The following GAS2L3 variants were observed in gnomAD, a reference collection of about 807,000 sequenced individuals.
The protein encoded by GAS2L3 is growth arrest specific 2 like 3.
In GAS2L3, 28 loss-of-function variants were observed where a neutral mutation model predicts 37.0. The observed-to-expected ratio is 0.76, with a 90% CI of 0.56 to 1.04. The LOEUF is 1.04. Among genes scored for constraint, GAS2L3 ranks in the 50% least tolerant of loss-of-function variants. The pLI is 0.00. For missense variants in GAS2L3, 793 were observed against 817.6 expected, an observed-to-expected ratio of 0.97 and a Z score of 0.37; for synonymous variants, 290 against 296.6, an observed-to-expected ratio of 0.98 and a Z score of 0.23.
intron 1 of GAS2L3, among the ~76,000 whole-genome samples, chr12:100,591,284 C>A (rs1026947466): frequency 6.6e-6 from 1 of 151,876 alleles, no homozygotes; most frequent in African/African-American, 2.4e-5. Flanking sequence ...AAGATCACAG[C>A]GCAAACAGTT....
chr12:100,590,789 G>A (rs1955837048), intron 1 of GAS2L3, among the ~76,000 whole-genome samples: 1 of 152,298 alleles, frequency 6.6e-6, no homozygotes, highest in Admixed American at 6.5e-5. Context: ...CAGTGACCTG[G>A]ATGAGATTGA....
chr12:100,623,327 T>G (rs952831679), intron 9 of GAS2L3, among the ~76,000 whole-genome samples: 4 of 152,190 alleles, frequency 2.6e-5, no homozygotes, highest in African/African-American at 9.6e-5. Flanking sequence ...GCAAGTTATA[T>G]GTAAATACCT....
intron 1 of GAS2L3, among the ~76,000 whole-genome samples, chr12:100,584,283 G>A (rs913063108): frequency 2.6e-5 from 4 of 152,170 alleles, no homozygotes; most frequent in Admixed American, 6.5e-5. Flanking sequence ...AGGGCTACTA[G>A]AAAGAGGTGA....
At chr12:100,614,572 T>C (rs1273020264) in intron 6 of GAS2L3, among the ~76,000 whole-genome samples, 1 of 152,238 alleles carries the variant, frequency 6.6e-6, no homozygotes. Flanking sequence ...TTCACAATTT[T>C]AAAATGTACA....
chr12:100,583,219 A>T lies in GAS2L3; in HGVS notation c.-151-8517A>T, dbSNP rs182023787. 2.9e-3 allele frequency among the ~76,000 whole-genome samples: 439 copies of T among 152,314 alleles called. 3 individuals carry two copies. The highest frequency in any genetic ancestry group is 9.8e-3 in the African/African-American group (408 of 41,558). ...GGGACTACATTGGGTCCACTAGGAA[A>T]ATCTCCCACCTCAAGAGCCTTAATT... On this transcript the variant is annotated intron_variant, in intron 1 of 9. Coordinates refer to ENST00000547754, the MANE Select transcript of GAS2L3 (RefSeq NM_174942.3).
chr12:100,583,574 C>A (rs7297017), intron 1 of GAS2L3, among the ~76,000 whole-genome samples: 11,254 of 152,112 alleles, frequency 0.074, 576 homozygotes, highest in South Asian at 0.18. Context: ...CGGGTTCAAG[C>A]GATTCTCCTG....
In GAS2L3 at chr12:100,628,190, T is replaced by C. The variant is rs767307981; in HGVS notation, c.*3300T>C. 4.6e-5 allele frequency: 7 copies of C among 152,330 alleles called. No individual in the cohort carries two copies. The highest frequency in any genetic ancestry group is 8.8e-5 in the Non-Finnish European group (6 of 68,016). The allele number at this position is 152,330 out of a possible 1,614,324, so 9.4% of individuals were successfully genotyped here. On this transcript the variant is annotated 3_prime_UTR_variant, in exon 10 of 10. Coordinates refer to ENST00000547754, the MANE Select transcript of GAS2L3 (RefSeq NM_174942.3). The stretch of plus-strand genomic sequence containing the variant: ...ATCCAGGTTCACATAATAACCCCAT[T>C]TGAATCCAAATTTGTGTATATTTTC...
At chr12:100,611,933 A>G (rs1014579151) in intron 5 of GAS2L3, 67 bp from the exon 6 acceptor site, 2 of 1,066,404 alleles carry the variant, frequency 1.9e-6, no homozygotes, top group Non-Finnish European at 2.9e-6. Flanking sequence ...ATTTAGCAAT[A>G]TCAAAATGAA....
At chr12:100,620,891 T>C (rs1296515098) in intron 8 of GAS2L3, among the ~76,000 whole-genome samples, 1 of 152,102 alleles carries the variant, frequency 6.6e-6, no homozygotes, top group Non-Finnish European at 1.5e-5. Flanking sequence ...CACCATTTTA[T>C]GCACATGGTG....
intron 1 of GAS2L3, among the ~76,000 whole-genome samples, chr12:100,582,948 T>C (rs1955732197): frequency 6.6e-6 from 1 of 152,224 alleles, no homozygotes; most frequent in Non-Finnish European, 1.5e-5. Context: ...TCTTTGATGC[T>C]CTTCCATCAT....
chr12:100,587,383 C>T (rs1321753565), intron 1 of GAS2L3, among the ~76,000 whole-genome samples: 1 of 152,144 alleles, frequency 6.6e-6, no homozygotes, highest in African/African-American at 2.4e-5. Flanking sequence ...AGATAAACCA[C>T]CATGATCAAG....
chr12:100,587,586 A>G (rs1955796495), intron 1 of GAS2L3, among the ~76,000 whole-genome samples: 1 of 152,212 alleles, frequency 6.6e-6, no homozygotes, highest in African/African-American at 2.4e-5. Flanking sequence ...GCATACCTTA[A>G]TATAATAAAA....
At chr12:100,597,682 A>G (rs1450381362) in intron 3 of GAS2L3, among the ~76,000 whole-genome samples, 1 of 151,154 alleles carries the variant, frequency 6.6e-6, no homozygotes, top group Non-Finnish European at 1.5e-5. Context: ...TCTTGAGTGT[A>G]TTCATTTTCT....
At chr12:100,618,354 A>G (rs1956213048) in intron 7 of GAS2L3, 95 bp from the exon 8 acceptor site, 1 of 1,274,168 alleles carries the variant, frequency 7.8e-7, no homozygotes, top group African/African-American at 1.5e-5. Flanking sequence ...AGAGGATCAT[A>G]TAGACTTTAC....
chr12:100,601,733 T>C lies in GAS2L3; in HGVS notation c.283T>C (p.Cys95Arg). 6.3e-7 allele frequency: 1 copy of C among 1,582,526 alleles called. No individual in the cohort carries two copies. The highest frequency in any genetic ancestry group is 1.1e-5 in the South Asian group (1 of 89,050). The change falls in exon 5 of 10, where the codon TGC becomes CGC. Residue 95 changes from cysteine (C) to arginine (R), a missense_variant. Coordinates refer to ENST00000547754, the MANE Select transcript of GAS2L3 (RefSeq NM_174942.3). ...IDVLQNMVKT[C>R]NSEESGNFPM... ...TGTTCTTCAAAACATGGTGAAAACA[T>C]GCAACTCTGAAGAATCAGGGGTAAG... is the stretch of plus-strand genomic sequence containing the variant.
Position 100,625,368 on chromosome 12 carries a change from T to A in GAS2L3, c.*478T>A, listed in dbSNP as rs1021322467. 1.5e-4 allele frequency: 23 copies of A among 154,866 alleles called. No homozygotes were observed. The highest frequency in any genetic ancestry group is 5.5e-4 in the African/African-American group (23 of 41,444). The allele number at this position is 154,866 out of a possible 1,614,324, so 9.6% of individuals were successfully genotyped here. A position where few individuals can be genotyped will look rare whatever the true frequency, so the allele number is the denominator to read the frequency against. On this transcript the variant is annotated 3_prime_UTR_variant, in exon 10 of 10. Coordinates refer to ENST00000547754, the MANE Select transcript of GAS2L3 (RefSeq NM_174942.3). ...TCCTACAAAAGGCACCTAATTTAAT[T>A]TTCTGATCAGGATTGCCTGATCCAA...
chr12:100,608,466 C>G (rs1956083924), intron 5 of GAS2L3, among the ~76,000 whole-genome samples: 2 of 152,188 alleles, frequency 1.3e-5, no homozygotes, highest in South Asian at 4.1e-4. Context: ...TCCCTCCTTT[C>G]AGAGTCATGT....
chr12:100,619,121 A>G (rs1427572656), intron 8 of GAS2L3, among the ~76,000 whole-genome samples: 1 of 151,984 alleles, frequency 6.6e-6, no homozygotes, highest in African/African-American at 2.4e-5. Context: ...GTGATTTCCA[A>G]GGTTTCTCTA....
intron 1 of GAS2L3, among the ~76,000 whole-genome samples, chr12:100,574,498 G>A (rs1955611527): frequency 6.6e-6 from 1 of 152,190 alleles, no homozygotes; most frequent in Admixed American, 6.5e-5. Context: ...TGCCTTGGAA[G>A]TCAGAGGAAA....
Sources: allele counts gnomAD v4.1 joint callset (sites outside exome capture counted in the v4.1 genomes callset), GRCh38; gene constraint gnomAD v4.1.1; transcripts MANE v1.5; gene names NCBI Gene and HGNC (gene_info 2026-07-23, HGNC 2026-07-21).